ABTB2: variants seen among roughly 807,000 people sequenced by gnomAD.
The protein encoded by ABTB2 is ankyrin repeat and BTB/POZ domain-containing protein 2.
Under a neutral mutation model 104.1 loss-of-function variants are expected in ABTB2, and 56 were observed. That is an observed-to-expected ratio of 0.54 (90% CI 0.43 to 0.67). The LOEUF (loss-of-function observed/expected upper bound fraction) is 0.67. Ranked by LOEUF, ABTB2 falls within the 30% of genes least tolerant of loss-of-function variation. ABTB2 has a pLI of 0.00. For synonymous variants in ABTB2, 606 were observed against 608.2 expected (o/e 1.00, Z 0.05); for missense variants, 1,279 against 1,407.7 (o/e 0.91, Z 1.46).
At chr11:34,212,249 G>A (rs959283675) in intron 1 of ABTB2, among the ~76,000 whole-genome samples, 9 of 152,054 alleles carry the variant, frequency 5.9e-5, no homozygotes, top group Non-Finnish European at 1.3e-4. Flanking sequence ...TAGAGACGGG[G>A]TTTCGCCATG....
At chr11:34,182,333 T>C (rs1853037525) in intron 3 of ABTB2, among the ~76,000 whole-genome samples, 1 of 152,108 alleles carries the variant, frequency 6.6e-6, no homozygotes, top group Non-Finnish European at 1.5e-5. Flanking sequence ...TAAACCAGAA[T>C]GGTTTGGCAT....
chr11:34,325,611 A>G (rs1480507882), intron 1 of ABTB2, among the ~76,000 whole-genome samples: 1 of 152,182 alleles, frequency 6.6e-6, no homozygotes, highest in Non-Finnish European at 1.5e-5. Flanking sequence ...TACTGTATTG[A>G]TCTATAGATT....
chr11:34,191,588 AG>A (rs1853177766), intron 3 of ABTB2, among the ~76,000 whole-genome samples: 1 of 152,218 alleles, frequency 6.6e-6, no homozygotes, highest in African/African-American at 2.4e-5. Flanking sequence ...AGACTTCTCC[AG>A]GGCAGACCTT....
rs182520206 is a variant in ABTB2, at chr11:34,273,105, T to A, written c.884-68415A>T. 2.0e-3 allele frequency among the ~76,000 whole-genome samples: 305 copies of A among 152,232 alleles called. 2 individuals carry two copies. The highest frequency in any genetic ancestry group is 6.4e-3 in the South Asian group (31 of 4,824). On this transcript the variant is annotated intron_variant, in intron 1 of 16. Transcript: ENST00000435224. The stretch of plus-strand genomic sequence containing the variant: ...TTTAGCTTTTTTTAAATTAAAAAAA[T>A]TTTTTTAAATTTTTTGTTATAATTA...
chr11:34,343,185 A>C (rs1222147013), intron 1 of ABTB2, among the ~76,000 whole-genome samples: 1 of 152,110 alleles, frequency 6.6e-6, no homozygotes, highest in African/African-American at 2.4e-5. Flanking sequence ...ATGTAAACCT[A>C]ACAGTTCAAG....
intron 14 of ABTB2, among the ~76,000 whole-genome samples, chr11:34,156,798 A>G (rs543296600): frequency 2.6e-5 from 4 of 152,350 alleles, no homozygotes; most frequent in Non-Finnish European, 5.9e-5. Flanking sequence ...TGCTGGGATT[A>G]CAGGCGTGAG....
chr11:34,271,777 AC>A (rs1854317298), intron 1 of ABTB2, among the ~76,000 whole-genome samples: 2 of 146,420 alleles, frequency 1.4e-5, no homozygotes, highest in South Asian at 4.3e-4. Flanking sequence ...ATACATACAT[AC>A]ATACAACTTG....
intron 1 of ABTB2, among the ~76,000 whole-genome samples, chr11:34,269,041 T>A (rs1342755428): frequency 6.6e-6 from 1 of 152,176 alleles, no homozygotes; most frequent in Non-Finnish European, 1.5e-5. Flanking sequence ...CACAGCCTTA[T>A]CAGAACAGCA....
chr11:34,336,250 A>C (rs1237541300), intron 1 of ABTB2, among the ~76,000 whole-genome samples: 1 of 152,206 alleles, frequency 6.6e-6, no homozygotes, highest in Non-Finnish European at 1.5e-5. Context: ...ACCTTCTGAG[A>C]AGCATTGTTT....
intron 1 of ABTB2, among the ~76,000 whole-genome samples, chr11:34,339,475 T>C (rs981849408): frequency 6.6e-6 from 1 of 152,222 alleles, no homozygotes; most frequent in Non-Finnish European, 1.5e-5. Flanking sequence ...CCATTAACTA[T>C]GAGTGATCTG....
At chr11:34,164,853 C>CT in intron 8 of ABTB2, 32 bp from the exon 9 acceptor site, 1 of 1,575,348 alleles carries the variant, frequency 6.3e-7, no homozygotes, top group Non-Finnish European at 8.6e-7. Context: ...ACGGAGGACA[C>CT]TGAGACAGTA....
At chr11:34,207,246 A>G (rs1434423335) in intron 1 of ABTB2, among the ~76,000 whole-genome samples, 1 of 152,242 alleles carries the variant, frequency 6.6e-6, no homozygotes, top group East Asian at 1.9e-4. Context: ...AGACATGTGG[A>G]TCAAATTTAC....
intron 1 of ABTB2, among the ~76,000 whole-genome samples, chr11:34,287,083 A>G (rs890274088): frequency 6.6e-6 from 1 of 151,438 alleles, no homozygotes; most frequent in Non-Finnish European, 1.5e-5. Context: ...GTCATGGCTC[A>G]TGCCTGTAAT....
At chr11:34,179,109 G>T (rs1246473524) in intron 3 of ABTB2, among the ~76,000 whole-genome samples, 1 of 150,370 alleles carries the variant, frequency 6.7e-6, no homozygotes, top group East Asian at 1.9e-4. Context: ...AATTAATGAG[G>T]ACCTCAAAGA....
intron 1 of ABTB2, among the ~76,000 whole-genome samples, chr11:34,283,639 T>G (rs1854472881): frequency 6.6e-6 from 1 of 152,158 alleles, no homozygotes; most frequent in African/African-American, 2.4e-5. Flanking sequence ...CAAAGGCAAA[T>G]TAGAGCATGG....
intron 1 of ABTB2, among the ~76,000 whole-genome samples, chr11:34,314,004 C>T (rs1369650706): frequency 6.6e-6 from 1 of 152,154 alleles, no homozygotes; most frequent in African/African-American, 2.4e-5. Context: ...TGGGTGCTGC[C>T]TGTTATGTGG....
chr11:34,290,244 T>C (rs116309751), intron 1 of ABTB2, among the ~76,000 whole-genome samples: 8 of 152,196 alleles, frequency 5.3e-5, no homozygotes, highest in Non-Finnish European at 7.3e-5. Flanking sequence ...CTATCTTCCC[T>C]TGCACGATCC....
chr11:34,174,650 G>A (rs560389971), intron 3 of ABTB2, among the ~76,000 whole-genome samples: 2 of 152,250 alleles, frequency 1.3e-5, no homozygotes, highest in South Asian at 4.1e-4. Flanking sequence ...GCTCCGTGTT[G>A]GAGCCCCCTC....
At chr11:34,314,377 C>T (rs576088197) in intron 1 of ABTB2, among the ~76,000 whole-genome samples, 1 of 152,286 alleles carries the variant, frequency 6.6e-6, no homozygotes, top group Admixed American at 6.5e-5. Context: ...GTCTGTTTTT[C>T]TTACTAGGGT....
Sources: allele counts gnomAD v4.1 joint callset (sites outside exome capture counted in the v4.1 genomes callset), GRCh38; gene constraint gnomAD v4.1.1; transcripts MANE v1.5; gene names NCBI Gene and HGNC (gene_info 2026-07-23, HGNC 2026-07-21).